The following DNAH6 variants were observed in gnomAD, a reference collection of about 807,000 sequenced individuals.
DNAH6 encodes the protein dynein axonemal heavy chain 6, also known as axonemal beta dynein heavy chain 6.
In DNAH6, 340 loss-of-function variants were observed where a neutral mutation model predicts 491.4. That is an observed-to-expected ratio of 0.69 (90% CI 0.63 to 0.76). The LOEUF is 0.76. DNAH6 is among the 30% of genes least tolerant of loss of function. The pLI is 0.00. For missense variants in DNAH6, 4,443 were observed against 4,972.2 expected, an observed-to-expected ratio of 0.89 and a Z score of 3.20; for synonymous variants, 1,603 against 1,686.1, an observed-to-expected ratio of 0.95 and a Z score of 1.21.
chr2:84,721,775 T>C (rs1230656299), intron 59 of DNAH6, among the ~76,000 whole-genome samples: 3 of 152,222 alleles, frequency 2.0e-5, no homozygotes, highest in Non-Finnish European at 2.9e-5. Flanking sequence ...TGATGATTCC[T>C]TTTAGCTTTG....
intron 37 of DNAH6, 53 bp downstream of exon 37, chr2:84,659,222 T>G (rs1691250658): frequency 9.4e-7 from 1 of 1,060,066 alleles, no homozygotes; most frequent in Non-Finnish European, 1.3e-6. Flanking sequence ...TTATTTAAAT[T>G]TTAAGATTAA....
At chr2:84,672,300 T>C (rs757083149) in intron 39 of DNAH6, 27 bp from the exon 40 acceptor site, 117 of 1,538,116 alleles carry the variant, frequency 7.6e-5, no homozygotes, top group Non-Finnish European at 9.6e-5. Context: ...TCATAATTCT[T>C]AAATTAAATT....
the DNAH6 span, among the ~76,000 whole-genome samples, chr2:84,468,458 G>C: frequency 6.6e-6 from 1 of 152,168 alleles, no homozygotes; most frequent in African/African-American, 2.4e-5. Flanking sequence ...TAACTAAACT[G>C]ATTTTAACCA....
At chr2:84,637,505 TATG>T in intron 31 of DNAH6, 128 bp downstream of exon 31, 2 of 1,056,124 alleles carry the variant, frequency 1.9e-6, no homozygotes, top group South Asian at 4.6e-5. Flanking sequence ...TAAGTGTAGA[TATG>T]ATTGTTATCA....
At chr2:84,635,895 G>A (rs1688836584) in intron 30 of DNAH6, among the ~76,000 whole-genome samples, 1 of 152,098 alleles carries the variant, frequency 6.6e-6, no homozygotes, top group Admixed American at 6.5e-5. Context: ...GGTCTTCCCT[G>A]TATTCCTCAT....
rs754113488 is a variant in DNAH6, at chr2:84,557,881, A to C, written c.1749A>C (p.Leu583Phe). ...AAACCTGTGGAACTGGGCCAAGTTT[A>C]GCAGCAGTATTTGAGGATGATAAGA... ...EGKTCGTGPS[L>F]AAVFEDDKNF... Residue 583 changes from leucine to phenylalanine, a missense_variant, in exon 11 of 77, where the codon TTA becomes TTC. This residue lies in a region of DNAH6 where 2,977 missense variants were observed against 3,296.6 expected (regional missense o/e 0.90). Transcript: ENST00000389394. 1.9e-6 allele frequency: 3 copies of C among 1,612,636 alleles called. No homozygotes were observed. Among genetic ancestry groups the C allele is most frequent in the Non-Finnish European group, 2.5e-6 (3 of 1,179,064 alleles).
intron 65 of DNAH6, among the ~76,000 whole-genome samples, chr2:84,782,264 T>C (rs11693151): frequency 0.027 from 4,098 of 152,266 alleles, 79 homozygotes; most frequent in South Asian, 0.061. Context: ...ATAAAAATAA[T>C]CAAAACCTCA....
At chr2:84,604,693 CA>C in intron 19 of DNAH6, 142 bp downstream of exon 19, 1 of 660,620 alleles carries the variant, frequency 1.5e-6, no homozygotes, top group Non-Finnish European at 2.5e-6. Context: ...TGTTTCCTTA[CA>C]ACAGATATTA....
chr2:84,700,735 C>T (rs893038637), intron 48 of DNAH6, among the ~76,000 whole-genome samples: 4 of 152,170 alleles, frequency 2.6e-5, no homozygotes, highest in African/African-American at 7.2e-5. Context: ...TAATGATGGA[C>T]GTGAGGTCCC....
intron 11 of DNAH6, among the ~76,000 whole-genome samples, chr2:84,571,468 TCA>T (rs1681862056): frequency 6.6e-6 from 1 of 152,126 alleles, no homozygotes; most frequent in South Asian, 2.1e-4. Context: ...ATAACATACA[TCA>T]CTTATGTAGC....
chr2:84,547,230 A>G (rs1250406369), intron 5 of DNAH6, 38 bp from the exon 6 acceptor site: 7 of 1,453,570 alleles, frequency 4.8e-6, no homozygotes, highest in Admixed American at 4.7e-5. Flanking sequence ...AAAATACAGA[A>G]TATTTTTACT....
intron 4 of DNAH6, among the ~76,000 whole-genome samples, chr2:84,543,254 G>A (rs373570618): frequency 9.2e-5 from 14 of 152,240 alleles, no homozygotes; most frequent in East Asian, 3.9e-4. Flanking sequence ...ACTGAAAGCC[G>A]TGGAAAATAG....
chr2:84,714,928 A>T (rs1273082504), intron 57 of DNAH6, among the ~76,000 whole-genome samples: 1 of 151,458 alleles, frequency 6.6e-6, no homozygotes, highest in Non-Finnish European at 1.5e-5. Flanking sequence ...CCATATGTTC[A>T]TTCACACACT....
chr2:84,525,429 T>C, intron 2 of DNAH6, 136 bp from the exon 3 acceptor site: 3 of 825,762 alleles, frequency 3.6e-6, no homozygotes, highest in Non-Finnish European at 5.6e-6. Flanking sequence ...AGTTAACTAT[T>C]AGGACTGCAT....
chr2:84,671,871 G>A (rs764732212), intron 39 of DNAH6, among the ~76,000 whole-genome samples: 7 of 152,202 alleles, frequency 4.6e-5, no homozygotes, highest in Non-Finnish European at 1.5e-5. Flanking sequence ...CCTTTGATGT[G>A]ATCAGGATGC....
At chr2:84,678,684 G>A (rs1317858044) in intron 41 of DNAH6, among the ~76,000 whole-genome samples, 2 of 152,098 alleles carry the variant, frequency 1.3e-5, no homozygotes, top group Non-Finnish European at 2.9e-5. Flanking sequence ...CATGTCCATG[G>A]AAATGTGTCA....
At chr2:84,548,777 A>G (rs1003937216) in intron 8 of DNAH6, among the ~76,000 whole-genome samples, 1 of 152,188 alleles carries the variant, frequency 6.6e-6, no homozygotes, top group Non-Finnish European at 1.5e-5. Flanking sequence ...GTGAGCTGGT[A>G]GAGACAGAGC....
chr2:84,619,700 A>G lies in DNAH6; in HGVS notation c.3588A>G (p.Ser1196=), dbSNP rs1687219122. Residue 1196 remains serine, a synonymous_variant, in exon 24 of 77, where the codon TCA becomes TCG. Coordinates refer to ENST00000389394, the MANE Select transcript of DNAH6 (RefSeq NM_001370.2). ...TTTAATCCAGGTTTTACTTCTTGTC[A>G]AATGATGAACTTCTGGAGATTTTGG... ...RVIFPRFYFL[S]NDELLEILAQ... is the part of the protein sequence containing the mutation. 2 of 1,551,308 alleles carry G rather than the reference A, an allele frequency of 1.3e-6. No homozygotes were observed. The highest frequency in any genetic ancestry group is 3.9e-5 in the Admixed American group (2 of 50,944).
chr2:84,529,853 G>A (rs995745274), intron 4 of DNAH6, among the ~76,000 whole-genome samples: 1 of 152,122 alleles, frequency 6.6e-6, no homozygotes, highest in African/African-American at 2.4e-5. Context: ...CCCATTCATG[G>A]CTCTCTTATT....
Sources: allele counts gnomAD v4.1 joint callset (sites outside exome capture counted in the v4.1 genomes callset), GRCh38; gene constraint gnomAD v4.1.1; regional missense constraint gnomAD v4.1.1; transcripts MANE v1.5; gene names NCBI Gene and HGNC (gene_info 2026-07-23, HGNC 2026-07-21).